Variants in UNC5C observed in about 807,000 individuals in gnomAD.
UNC5C encodes netrin receptor UNC5C.
Under a neutral mutation model 99.8 loss-of-function variants are expected in UNC5C, and 47 were observed. The observed-to-expected ratio is 0.47, with a 90% CI of 0.37 to 0.60. UNC5C has a LOEUF of 0.60. UNC5C is among the 20% of genes least tolerant of loss of function. The pLI is 0.00. For synonymous variants in UNC5C, 487 were observed against 452.2 expected, an observed-to-expected ratio of 1.08 and a Z score of -0.98; for missense variants, 1,062 against 1,165.9, an observed-to-expected ratio of 0.91 and a Z score of 1.30.
chr4:95,312,763 T>A (rs182469849), intron 2 of UNC5C, among the ~76,000 whole-genome samples: 1 of 152,192 alleles, frequency 6.6e-6, no homozygotes, highest in African/African-American at 2.4e-5. Flanking sequence ...TCTACAAAAC[T>A]CAGAATGCCC....
At chr4:95,189,163 A>G (rs912092184) in intron 12 of UNC5C, among the ~76,000 whole-genome samples, 1 of 152,210 alleles carries the variant, frequency 6.6e-6, no homozygotes, top group South Asian at 2.1e-4. Context: ...TGTCCTTCCT[A>G]CTGGGAGTTC....
chr4:95,338,625 AC>A (rs1743437744), intron 1 of UNC5C, among the ~76,000 whole-genome samples: 1 of 152,076 alleles, frequency 6.6e-6, no homozygotes, highest in African/African-American at 2.4e-5. Flanking sequence ...AATGCTTAAC[AC>A]TAGAGATGAA....
At chr4:95,504,939 A>T (rs943804036) in intron 1 of UNC5C, among the ~76,000 whole-genome samples, 3 of 151,988 alleles carry the variant, frequency 2.0e-5, no homozygotes, top group Admixed American at 6.6e-5. Flanking sequence ...TCATTAAAAA[A>T]CTTCTATATT....
chr4:95,234,389 T>TA (rs60543337), intron 7 of UNC5C, among the ~76,000 whole-genome samples: 1 of 151,938 alleles, frequency 6.6e-6, no homozygotes, highest in African/African-American at 2.4e-5. Flanking sequence ...ACCTTTTTTT[T>TA]ATTATACTTT....
At chr4:95,537,376 G>T (rs1560498434) in intron 1 of UNC5C, among the ~76,000 whole-genome samples, 1 of 152,130 alleles carries the variant, frequency 6.6e-6, no homozygotes, top group African/African-American at 2.4e-5. Flanking sequence ...GGAGGGGAAG[G>T]TCGGCGTGGA....
chr4:95,407,057 A>T (rs1745849701), intron 1 of UNC5C, among the ~76,000 whole-genome samples: 1 of 152,170 alleles, frequency 6.6e-6, no homozygotes, highest in Non-Finnish European at 1.5e-5. Flanking sequence ...CCCCAATTCC[A>T]GTGAAGAAAT....
At chr4:95,327,406 C>T (rs757887767) in intron 2 of UNC5C, among the ~76,000 whole-genome samples, 2 of 151,888 alleles carry the variant, frequency 1.3e-5, no homozygotes, top group Non-Finnish European at 2.9e-5. Flanking sequence ...AACACATTCA[C>T]AGGATTGAAA....
At chr4:95,281,068 C>A (rs1453439154) in intron 3 of UNC5C, among the ~76,000 whole-genome samples, 1 of 152,120 alleles carries the variant, frequency 6.6e-6, no homozygotes, top group Non-Finnish European at 1.5e-5. Context: ...ATGTTCTTGA[C>A]AAAGTATATC....
intron 1 of UNC5C, among the ~76,000 whole-genome samples, chr4:95,455,336 T>G (rs1560839272): frequency 6.6e-6 from 1 of 152,142 alleles, no homozygotes; most frequent in Non-Finnish European, 1.5e-5. Context: ...AAACCTCGAT[T>G]GCATTTGGTG....
chr4:95,262,143 G>C (rs1480788588), intron 4 of UNC5C, among the ~76,000 whole-genome samples: 1 of 152,140 alleles, frequency 6.6e-6, no homozygotes, highest in Non-Finnish European at 1.5e-5. Flanking sequence ...GGAATAATTG[G>C]GAATATTAGT....
At chr4:95,307,403 T>C (rs371056181) in intron 2 of UNC5C, among the ~76,000 whole-genome samples, 29 of 152,250 alleles carry the variant, frequency 1.9e-4, no homozygotes, top group African/African-American at 5.1e-4. Flanking sequence ...TTAAGATGAA[T>C]GTAAGAAACG....
At chr4:95,406,785 C>G (rs188394258) in intron 1 of UNC5C, among the ~76,000 whole-genome samples, 297 of 152,218 alleles carry the variant, frequency 2.0e-3, no homozygotes, top group Admixed American at 4.4e-3. Context: ...AGATTCAAAT[C>G]TTAAGGTTTC....
chr4:95,472,244 A>T (rs1275023550), intron 1 of UNC5C, among the ~76,000 whole-genome samples: 1 of 152,188 alleles, frequency 6.6e-6, no homozygotes, highest in Non-Finnish European at 1.5e-5. Flanking sequence ...GCAGAAGTGT[A>T]AATTAAATTC....
chr4:95,201,746 GAT>G (rs1737668620), intron 12 of UNC5C, among the ~76,000 whole-genome samples: 2 of 152,012 alleles, frequency 1.3e-5, no homozygotes, highest in Non-Finnish European at 2.9e-5. Flanking sequence ...TGGGACTACA[GAT>G]GCCTGCCATC....
chr4:95,503,776 C>T (rs1721839105), intron 1 of UNC5C, among the ~76,000 whole-genome samples: 1 of 152,082 alleles, frequency 6.6e-6, no homozygotes, highest in African/African-American at 2.4e-5. Flanking sequence ...CATAAAATAG[C>T]ATGGCCCCTC....
intron 7 of UNC5C, among the ~76,000 whole-genome samples, chr4:95,224,240 G>A (rs1029744451): frequency 1.3e-5 from 2 of 152,178 alleles, no homozygotes; most frequent in African/African-American, 4.8e-5. Flanking sequence ...CAGAGATTGC[G>A]CCACTGCACT....
chr4:95,204,243 A>C (rs1737792368), intron 11 of UNC5C, among the ~76,000 whole-genome samples: 1 of 152,262 alleles, frequency 6.6e-6, no homozygotes. Context: ...ATTTTAAAAA[A>C]TAGTTACTAA....
intron 1 of UNC5C, among the ~76,000 whole-genome samples, chr4:95,362,593 T>C (rs1403053358): frequency 6.6e-6 from 1 of 152,186 alleles, no homozygotes; most frequent in Admixed American, 6.6e-5. Flanking sequence ...TTTTTATCTT[T>C]TTGACTTAAA....
At chr4:95,283,137 T>G (rs1382726270) in intron 3 of UNC5C, among the ~76,000 whole-genome samples, 1 of 152,228 alleles carries the variant, frequency 6.6e-6, no homozygotes, top group Admixed American at 6.5e-5. Flanking sequence ...TGCAGCATGC[T>G]GTAATTCTTC....
Sources: allele counts gnomAD v4.1 joint callset (sites outside exome capture counted in the v4.1 genomes callset), GRCh38; gene constraint gnomAD v4.1.1; transcripts MANE v1.5; gene names NCBI Gene and HGNC (gene_info 2026-07-23, HGNC 2026-07-21).